Variants in GATAD2B observed in about 807,000 individuals in gnomAD.
GATAD2B encodes transcriptional repressor p66-beta.
In GATAD2B, 8 loss-of-function variants were observed where a neutral mutation model predicts 64.3. The ratio of observed to expected loss-of-function variants is 0.12; its 90% confidence interval spans 0.07 to 0.22. The LOEUF is 0.22. Ranked by LOEUF, GATAD2B falls within the 10% of genes least tolerant of loss-of-function variation. The pLI, the probability that GATAD2B is intolerant of heterozygous loss-of-function variation, is 1.00. For synonymous variants in GATAD2B, 281 were observed against 271.3 expected, an observed-to-expected ratio of 1.04 and a Z score of -0.35; for missense variants, 453 against 752.0, an observed-to-expected ratio of 0.60 and a Z score of 4.65.
In GATAD2B at chr1:153,813,190, C is replaced by T. The variant is rs117896460; in HGVS notation, c.1419+60G>A. On this transcript the variant is annotated intron_variant, in intron 8 of 10. Transcript: ENST00000368655. Reference sequence around the variant, plus strand: ...TGAACCACTCCTGCAAACTAGAAGGCGCGACCCTTTGGAAAAAACAAACTG... The same window carrying T: ...TGAACCACTCCTGCAAACTAGAAGGTGCGACCCTTTGGAAAAAACAAACTG... 369 of 1,345,462 alleles carry T rather than the reference C, an allele frequency of 2.7e-4. 1 individual carries two copies. In the East Asian group the frequency reaches 3.9e-3, roughly 14 times the overall value. 83.3% of individuals were successfully genotyped at this position (1,345,462 alleles called of 1,614,324 possible).
intron 1 of GATAD2B, among the ~76,000 whole-genome samples, chr1:153,907,326 A>G (rs1277014046): frequency 6.6e-5 from 10 of 152,250 alleles, no homozygotes; most frequent in Non-Finnish European, 1.5e-4. Context: ...TTCAGCCTTA[A>G]AAAATGAAAT....
At chr1:153,890,295 T>G (rs1677334950) in intron 1 of GATAD2B, among the ~76,000 whole-genome samples, 3 of 151,684 alleles carry the variant, frequency 2.0e-5, no homozygotes, top group Admixed American at 2.0e-4. Context: ...AAGACCATCC[T>G]GGCTAACACA....
intron 1 of GATAD2B, among the ~76,000 whole-genome samples, chr1:153,862,067 A>G (rs1676315183): frequency 6.7e-6 from 1 of 149,326 alleles, no homozygotes; most frequent in African/African-American, 2.5e-5. Context: ...TGTGAAGAAT[A>G]TAACTTACAT....
chr1:153,897,787 T>G (rs568287469), intron 1 of GATAD2B, among the ~76,000 whole-genome samples: 3 of 152,258 alleles, frequency 2.0e-5, no homozygotes, highest in African/African-American at 7.2e-5. Flanking sequence ...TAAAAAAATT[T>G]TTTTAAAGAA....
chr1:153,872,086 G>T (rs569128434), intron 1 of GATAD2B, among the ~76,000 whole-genome samples: 1 of 151,956 alleles, frequency 6.6e-6, no homozygotes, highest in South Asian at 2.1e-4. Flanking sequence ...GAGAGGCTGC[G>T]GTAGGCGGAT....
chr1:153,907,077 G>A (rs1357798770), intron 1 of GATAD2B, among the ~76,000 whole-genome samples: 2 of 152,146 alleles, frequency 1.3e-5, no homozygotes, highest in Non-Finnish European at 1.5e-5. Flanking sequence ...CAGTTACTGT[G>A]GAAAACTGTA....
intron 1 of GATAD2B, chr1:153,853,107 G>A: frequency 6.8e-7 from 1 of 1,473,336 alleles, no homozygotes; most frequent in South Asian, 1.1e-5. Flanking sequence ...AACAACCTGA[G>A]TTGATGGCTG....
intron 7 of GATAD2B, among the ~76,000 whole-genome samples, chr1:153,814,104 C>T (rs183408582): frequency 1.3e-5 from 2 of 152,282 alleles, no homozygotes; most frequent in East Asian, 3.9e-4. Flanking sequence ...CTAACTCAAC[C>T]AATACTTTTG....
intron 1 of GATAD2B, among the ~76,000 whole-genome samples, chr1:153,846,852 C>T (rs925643652): frequency 2.6e-5 from 4 of 152,154 alleles, no homozygotes; most frequent in African/African-American, 9.7e-5. Flanking sequence ...AGCCACCGCA[C>T]CTGGCCCTTC....
intron 1 of GATAD2B, among the ~76,000 whole-genome samples, chr1:153,836,325 G>A (rs1446593946): frequency 1.4e-5 from 2 of 146,168 alleles, no homozygotes; most frequent in African/African-American, 5.1e-5. Flanking sequence ...GCACAGCCTC[G>A]GCTCACTGCA....
At chr1:153,881,948 C>T (rs12043354) in intron 1 of GATAD2B, among the ~76,000 whole-genome samples, 19,688 of 151,914 alleles carry the variant, frequency 0.13, 1,756 homozygotes, top group East Asian at 0.49. Context: ...GGTCTCCAAG[C>T]GGGCACTGCC....
chr1:153,871,561 G>C (rs754806614), intron 1 of GATAD2B, among the ~76,000 whole-genome samples: 26 of 151,518 alleles, frequency 1.7e-4, no homozygotes, highest in Non-Finnish European at 3.5e-4. Flanking sequence ...TATTTTCCTT[G>C]ATATTACTGA....
At chr1:153,826,239 G>C (rs985440837) in intron 2 of GATAD2B, among the ~76,000 whole-genome samples, 1 of 151,722 alleles carries the variant, frequency 6.6e-6, no homozygotes, top group Non-Finnish European at 1.5e-5. Flanking sequence ...TCCTGACCTC[G>C]TGATCCACCC....
At chr1:153,811,366 TA>T (rs1403774943) in intron 10 of GATAD2B, among the ~76,000 whole-genome samples, 1 of 152,220 alleles carries the variant, frequency 6.6e-6, no homozygotes, top group African/African-American at 2.4e-5. Context: ...ATAGAATCAT[TA>T]AATCAGCTTT....
intron 1 of GATAD2B, among the ~76,000 whole-genome samples, chr1:153,868,027 C>T (rs1415814220): frequency 6.6e-6 from 1 of 151,882 alleles, no homozygotes; most frequent in Non-Finnish European, 1.5e-5. Flanking sequence ...GGTGAAACCC[C>T]GTCTTTACTT....
In GATAD2B at chr1:153,808,592, ACTCTGGCAG is replaced by A. The variant is rs1674178772; in HGVS notation, c.*1576_*1584del. The A allele has an allele frequency of 6.6e-6, 1 of 152,402 alleles. No individual in the cohort carries two copies. The highest frequency in any genetic ancestry group is 1.5e-5 in the Non-Finnish European group (1 of 67,982). The allele number at this position is 152,402 out of a possible 1,614,324, so 9.4% of individuals were successfully genotyped here. On this transcript the variant is annotated 3_prime_UTR_variant, in exon 11 of 11. Transcript: ENST00000368655. The stretch of plus-strand genomic sequence containing the variant: ...CTGCTGAGAACATTCCCCCCAGTGC[ACTCTGGCAG>A]CTTCTGGAGCCAGAGAGGCAGGTGG...
At chr1:153,829,815 A>G (rs1675013112) in intron 1 of GATAD2B, among the ~76,000 whole-genome samples, 1 of 151,796 alleles carries the variant, frequency 6.6e-6, no homozygotes, top group Admixed American at 6.6e-5. Flanking sequence ...AAAACGAAAC[A>G]GGGGCCGGGT....
chr1:153,816,686 T>G lies in GATAD2B; in HGVS notation c.901-98A>C. The G allele has an allele frequency of 1.4e-6, 1 of 732,138 alleles. No homozygotes were observed. The allele number at this position is 732,138 out of a possible 1,614,324, so 45.4% of individuals were successfully genotyped here. A position where few individuals can be genotyped will look rare whatever the true frequency, so the allele number is the denominator to read the frequency against. On this transcript the variant is annotated intron_variant, in intron 6 of 10. Coordinates refer to ENST00000368655, the MANE Select transcript of GATAD2B (RefSeq NM_020699.4). The surrounding 1 kb of genome is among the most constrained non-coding windows in gnomAD (Gnocchi z 4.9). The stretch of plus-strand genomic sequence containing the variant: ...GACACTGTCTGATCCTGGTTTGGAC[T>G]ACTTAGCTTCTCCAAAAATAGGAGG...
At chr1:153,898,586 C>A (rs1324000545) in intron 1 of GATAD2B, among the ~76,000 whole-genome samples, 1 of 152,008 alleles carries the variant, frequency 6.6e-6, no homozygotes, top group Non-Finnish European at 1.5e-5. Context: ...AAAAAATTAG[C>A]CAGGTGTGCC....
Sources: gnomAD v4.1 joint callset for allele counts (sites outside exome capture counted in the v4.1 genomes callset) on GRCh38, gnomAD v4.1.1 for gene constraint, Gnocchi (gnomAD v3.1) non-coding constraint, MANE v1.5 for transcripts, NCBI Gene and HGNC (gene_info 2026-07-23, HGNC 2026-07-21) for gene names.